RFC3: variants seen among roughly 807,000 people sequenced by gnomAD.
RFC3 encodes the protein A1 38 kDa subunit.
A neutral mutation model predicts 45.1 loss-of-function variants in RFC3; 41 were observed. The observed-to-expected ratio is 0.91, with a 90% CI of 0.71 to 1.18. The LOEUF (loss-of-function observed/expected upper bound fraction) is 1.18. Among genes scored for constraint, RFC3 ranks in the 50% most tolerant of loss-of-function variants. RFC3 has a pLI of 0.00. For synonymous variants in RFC3, 149 were observed against 144.0 expected, an observed-to-expected ratio of 1.03 and a Z score of -0.25; for missense variants, 423 against 428.1, an observed-to-expected ratio of 0.99 and a Z score of 0.10.
intron 8 of RFC3, among the ~76,000 whole-genome samples, chr13:33,900,833 C>CAAAAAAAAAAAA: frequency 7.1e-6 from 1 of 140,858 alleles, no homozygotes. Context: ...AACTGAATAG[C>CAAAAAAAAAAAA]AAAAAAAAAA....
intron 7 of RFC3, among the ~76,000 whole-genome samples, chr13:33,832,092 AGTT>A (rs986593373): frequency 1.3e-5 from 2 of 152,146 alleles, no homozygotes; most frequent in Non-Finnish European, 2.9e-5. Context: ...CTCAGCTGCT[AGTT>A]GTTTGACTTA....
intron 8 of RFC3, among the ~76,000 whole-genome samples, chr13:33,890,293 T>C (rs2082555514): frequency 6.6e-6 from 1 of 152,188 alleles, no homozygotes; most frequent in Non-Finnish European, 1.5e-5. Context: ...TACACCAATT[T>C]TCCATTTGTG....
chr13:33,975,622 C>G, the RFC3 span, among the ~76,000 whole-genome samples: 1 of 152,082 alleles, frequency 6.6e-6, no homozygotes, highest in South Asian at 2.1e-4. Flanking sequence ...ATGTACGAAA[C>G]AAGCTCACTG....
intron 8 of RFC3, among the ~76,000 whole-genome samples, chr13:33,953,723 C>T (rs2083004294): frequency 6.6e-6 from 1 of 152,086 alleles, no homozygotes; most frequent in South Asian, 2.1e-4. Flanking sequence ...AGTTATATTT[C>T]CAGACGTTTT....
intron 8 of RFC3, among the ~76,000 whole-genome samples, chr13:33,934,885 A>AGT (rs2082876430): frequency 6.6e-6 from 1 of 152,044 alleles, no homozygotes; most frequent in South Asian, 2.1e-4. Flanking sequence ...TCCTATATCC[A>AGT]GTGCTCTCAT....
intron 8 of RFC3, chr13:33,849,259 A>G (rs2082260825): frequency 6.6e-6 from 1 of 152,458 alleles, no homozygotes; most frequent in Non-Finnish European, 1.5e-5. Context: ...AGGTTGGGCA[A>G]ATGGGAAAGT....
At chr13:33,821,419 C>T (rs906946844) in intron 2 of RFC3, 150 bp downstream of exon 2, 13 of 750,824 alleles carry the variant, frequency 1.7e-5, no homozygotes, top group African/African-American at 5.3e-5. Flanking sequence ...TTGAGAGCTA[C>T]TGATATGGAT....
chr13:33,954,128 A>T (rs1266541273), intron 8 of RFC3, among the ~76,000 whole-genome samples: 1 of 152,224 alleles, frequency 6.6e-6, no homozygotes, highest in Non-Finnish European at 1.5e-5. Flanking sequence ...ATTGATAGCA[A>T]CCTTGTAAAG....
chr13:33,968,987 T>C (rs2083099924), downstream of RFC3, among the ~76,000 whole-genome samples: 1 of 152,182 alleles, frequency 6.6e-6, no homozygotes, highest in Non-Finnish European at 1.5e-5. Context: ...CAGCTCACAG[T>C]TCACCCACCG....
At chr13:33,875,063 G>A (rs997923468) in intron 8 of RFC3, among the ~76,000 whole-genome samples, 12 of 152,226 alleles carry the variant, frequency 7.9e-5, no homozygotes, top group Admixed American at 7.9e-4. Flanking sequence ...AGATGGGGAT[G>A]TTACTCCATA....
rs952361963 is a variant in RFC3 at position 33,926,844 on chromosome 13, G to A, written c.880-39243G>A. ...TTGATATGGTATAGGCCTATGCTTTGATTATATTCATTTCAAAGCTCTGTA... is the reference window on the plus strand; with the variant it reads ...TTGATATGGTATAGGCCTATGCTTTAATTATATTCATTTCAAAGCTCTGTA... On this transcript the variant is annotated intron_variant, in intron 8 of 8. Transcript: ENST00000434425. 2.0e-5 allele frequency among the ~76,000 whole-genome samples: 3 copies of A among 150,748 alleles called. No homozygotes were observed. The Admixed American group carries it at 2.0e-4, about 10-fold the overall frequency.
chr13:33,875,368 A>G (rs1806450321), intron 8 of RFC3, among the ~76,000 whole-genome samples: 1 of 152,198 alleles, frequency 6.6e-6, no homozygotes, highest in Non-Finnish European at 1.5e-5. Context: ...GTAAGCTGAG[A>G]CCTGCAGAAT....
At chr13:33,854,746 G>A (rs76448841) in intron 8 of RFC3, among the ~76,000 whole-genome samples, 1,759 of 152,214 alleles carry the variant, frequency 0.012, 38 homozygotes, top group African/African-American at 0.04. Context: ...TGGAAATAGA[G>A]GTTCTGGGTA....
chr13:33,942,927 A>G (rs1014776147), intron 8 of RFC3, among the ~76,000 whole-genome samples: 21 of 152,168 alleles, frequency 1.4e-4, no homozygotes, highest in Admixed American at 4.6e-4. Flanking sequence ...CTAAGGTGCC[A>G]TAAAGCAGAG....
chr13:33,818,881 GTTTTTTTTTT>G (rs72236854), intron 1 of RFC3, among the ~76,000 whole-genome samples: 1 of 112,040 alleles, frequency 8.9e-6, no homozygotes, highest in Non-Finnish European at 1.9e-5. Flanking sequence ...CCTGAGATTA[GTTTTTTTTTT>G]TTTTTTTTTT....
chr13:33,874,503 G>C (rs2082433182), intron 8 of RFC3, among the ~76,000 whole-genome samples: 1 of 152,162 alleles, frequency 6.6e-6, no homozygotes, highest in Admixed American at 6.5e-5. Flanking sequence ...ATTTTTATTG[G>C]AGACGGGGTT....
downstream of RFC3, among the ~76,000 whole-genome samples, chr13:33,971,331 C>T (rs987975751): frequency 2.0e-5 from 3 of 152,138 alleles, no homozygotes; most frequent in Admixed American, 1.3e-4. Flanking sequence ...TACTGCTGTT[C>T]TGTTTGTTTT....
intron 8 of RFC3, among the ~76,000 whole-genome samples, chr13:33,950,577 A>G (rs953670689): frequency 6.6e-6 from 1 of 152,194 alleles, no homozygotes; most frequent in Non-Finnish European, 1.5e-5. Context: ...TGCCCCAGCC[A>G]TGTTCCCTGG....
chr13:33,838,793 G>C (rs759052738), downstream of RFC3, among the ~76,000 whole-genome samples: 2 of 151,940 alleles, frequency 1.3e-5, no homozygotes, highest in Non-Finnish European at 2.9e-5. Flanking sequence ...TTTTTTCCCT[G>C]TCTGGTAATT....
Sources: gnomAD v4.1 joint callset for allele counts (sites outside exome capture counted in the v4.1 genomes callset) on GRCh38, gnomAD v4.1.1 for gene constraint, MANE v1.5 for transcripts, NCBI Gene and HGNC (gene_info 2026-07-23, HGNC 2026-07-21) for gene names.